Variants in EYS observed in about 807,000 individuals in gnomAD.
EYS encodes the protein protein eyes shut homolog.
In EYS, 250 loss-of-function variants were observed where a neutral mutation model predicts 282.1. The observed-to-expected ratio is 0.89, with a 90% CI of 0.80 to 0.98. The LOEUF (loss-of-function observed/expected upper bound fraction) is 0.98. Ranked by LOEUF, EYS falls within the 50% of genes least tolerant of loss-of-function variation. The pLI is 0.00. For synonymous variants in EYS, 1,355 were observed against 1,282.9 expected (o/e 1.06, Z -1.20); for missense variants, 4,016 against 3,709.0 (o/e 1.08, Z -2.15).
chr6:63,729,917 A>C (rs994961166), intron 41 of EYS, among the ~76,000 whole-genome samples: 2 of 152,196 alleles, frequency 1.3e-5, no homozygotes, highest in African/African-American at 4.8e-5. Flanking sequence ...ATTTACGTCT[A>C]TCTAAACCTC....
intron 12 of EYS, among the ~76,000 whole-genome samples, chr6:65,209,164 A>C (rs1267502209): frequency 6.6e-6 from 1 of 151,870 alleles, no homozygotes; most frequent in Non-Finnish European, 1.5e-5. Context: ...AAAATAATAA[A>C]AATAATTTTG....
rs772606637 is a variant in EYS at position 64,388,725 on chromosome 6, T to C, written c.6043A>G (p.Ile2015Val). 3.9e-6 allele frequency: 6 copies of C among 1,542,266 alleles called. No homozygotes were observed. Among genetic ancestry groups the C allele is most frequent in the Non-Finnish European group, 5.3e-6 (6 of 1,142,784 alleles). ...KPLPKSGSVF[I>V]GGFPDLHGKI... Reference sequence around the variant, plus strand: ...CCATGAAGGTCTGGAAATCCACCAATGAAGACAGATCCTGATTTTGGCAGG... The same window carrying C: ...CCATGAAGGTCTGGAAATCCACCAACGAAGACAGATCCTGATTTTGGCAGG... Residue 2015 changes from isoleucine (I) to valine (V), a missense_variant, in exon 29 of 43, where the codon ATT (isoleucine) becomes GTT (valine). Coordinates refer to ENST00000503581, the MANE Select transcript of EYS (RefSeq NM_001142800.2).
chr6:64,100,704 T>C (rs183489740), intron 31 of EYS, among the ~76,000 whole-genome samples: 1 of 152,320 alleles, frequency 6.6e-6, no homozygotes, highest in East Asian at 1.9e-4. Context: ...TATTTCTAGT[T>C]GAGAATTTCT....
rs558196023 is a variant in EYS at position 65,283,981 on chromosome 6, G to A, written c.2023+11882C>T. On this transcript the variant is annotated intron_variant, in intron 12 of 42. Coordinates refer to ENST00000503581, the MANE Select transcript of EYS (RefSeq NM_001142800.2). ...TCTGTGGCCACTATTAAAATCTTAC[G>A]TGATCTAAACTCGATTGACTGAATG... 2.6e-5 allele frequency among the ~76,000 whole-genome samples: 4 copies of A among 151,946 alleles called. No individual in the cohort carries two copies. In the East Asian group the frequency reaches 7.7e-4, roughly 29 times the overall value.
At chr6:64,547,761 G>A (rs548855349) in intron 26 of EYS, among the ~76,000 whole-genome samples, 154 of 152,358 alleles carry the variant, frequency 1.0e-3, no homozygotes, top group Non-Finnish European at 1.7e-3. Flanking sequence ...GGGACTGGGC[G>A]CTGTGGAGCA....
intron 35 of EYS, among the ~76,000 whole-genome samples, chr6:63,950,256 C>T (rs191846711): frequency 2.3e-4 from 35 of 150,106 alleles, no homozygotes; most frequent in Admixed American, 9.9e-4. Context: ...AGCCTGCACA[C>T]AGATGTCCAG....
At chr6:64,141,308 C>T (rs1406395793) in intron 31 of EYS, among the ~76,000 whole-genome samples, 3 of 152,060 alleles carry the variant, frequency 2.0e-5, no homozygotes, top group Non-Finnish European at 4.4e-5. Flanking sequence ...GCTAACAAGC[C>T]AGAAGGCTTT....
At chr6:65,296,509 A>G (rs1309557767) in intron 11 of EYS, among the ~76,000 whole-genome samples, 1 of 151,704 alleles carries the variant, frequency 6.6e-6, no homozygotes, top group African/African-American at 2.4e-5. Flanking sequence ...AAAAAATCAC[A>G]ATTACTTTTG....
chr6:64,683,596 C>A (rs1341197466), intron 22 of EYS, among the ~76,000 whole-genome samples: 6 of 152,138 alleles, frequency 3.9e-5, no homozygotes, highest in African/African-American at 1.4e-4. Flanking sequence ...AAAATGGAGT[C>A]TAGATGTCCT....
At chr6:64,374,409 G>A (rs1772497928) in intron 29 of EYS, among the ~76,000 whole-genome samples, 1 of 151,206 alleles carries the variant, frequency 6.6e-6, no homozygotes, top group Admixed American at 6.6e-5. Flanking sequence ...TAGAAGGCTG[G>A]TGGGTGTGGG....
chr6:64,029,229 G>A (rs142642058), intron 33 of EYS, among the ~76,000 whole-genome samples: 1 of 152,200 alleles, frequency 6.6e-6, no homozygotes, highest in Non-Finnish European at 1.5e-5. Context: ...AGCCGGGATA[G>A]CTCTTTGAGT....
intron 12 of EYS, among the ~76,000 whole-genome samples, chr6:65,098,100 C>A (rs1774791726): frequency 6.7e-6 from 1 of 150,340 alleles, no homozygotes; most frequent in Non-Finnish European, 1.5e-5. Context: ...GGAGGTAACA[C>A]TCTTTTGTAA....
At chr6:64,618,044 T>C (rs1483706405) in intron 23 of EYS, among the ~76,000 whole-genome samples, 4 of 152,286 alleles carry the variant, frequency 2.6e-5, no homozygotes, top group African/African-American at 9.6e-5. Flanking sequence ...ACTGTGATTC[T>C]ATAGAATATA....
intron 31 of EYS, among the ~76,000 whole-genome samples, chr6:64,211,572 T>C (rs566945835): frequency 1.4e-5 from 2 of 138,126 alleles, no homozygotes; most frequent in South Asian, 4.5e-4. Flanking sequence ...TATATATATA[T>C]ATTTTTTTTC....
chr6:65,049,950 T>C (rs1301317166), intron 13 of EYS, among the ~76,000 whole-genome samples: 4 of 151,788 alleles, frequency 2.6e-5, no homozygotes, highest in Non-Finnish European at 5.9e-5. Context: ...ACTTTTTCAC[T>C]TGATATGCTA....
chr6:64,095,332 C>T (rs1301366133), intron 31 of EYS, among the ~76,000 whole-genome samples: 5 of 152,070 alleles, frequency 3.3e-5, no homozygotes, highest in Non-Finnish European at 5.9e-5. Context: ...TCTCGTTGAT[C>T]TGTCTAATGT....
intron 12 of EYS, among the ~76,000 whole-genome samples, chr6:65,182,584 A>G (rs1358535340): frequency 6.6e-6 from 1 of 151,856 alleles, no homozygotes; most frequent in Non-Finnish European, 1.5e-5. Flanking sequence ...CATATATAAT[A>G]TTATTAAAAC....
chr6:65,442,931 T>G (rs1253427221), intron 5 of EYS, among the ~76,000 whole-genome samples: 1 of 131,884 alleles, frequency 7.6e-6, no homozygotes, highest in East Asian at 2.1e-4. Flanking sequence ...TGTACATATA[T>G]GTATATACGT....
intron 41 of EYS, among the ~76,000 whole-genome samples, chr6:63,747,834 A>G (rs891708778): frequency 2.0e-5 from 3 of 151,988 alleles, no homozygotes; most frequent in Non-Finnish European, 2.9e-5. Context: ...TTTTGAGCCT[A>G]TGTGTGTCTT....
Sources: allele counts gnomAD v4.1 joint callset (sites outside exome capture counted in the v4.1 genomes callset), GRCh38; gene constraint gnomAD v4.1.1; transcripts MANE v1.5; gene names NCBI Gene and HGNC (gene_info 2026-07-23, HGNC 2026-07-21).